Variants in SLC36A3 observed in about 807,000 individuals in gnomAD.
The protein encoded by SLC36A3 is solute carrier family 36 member 3.
In SLC36A3, 35 loss-of-function variants were observed where a neutral mutation model predicts 44.3. That is an observed-to-expected ratio of 0.79 (90% CI 0.60 to 1.05). SLC36A3 has a LOEUF of 1.05. SLC36A3 is among the 50% of genes least tolerant of loss of function. The probability of loss-of-function intolerance (pLI) is 0.00; values close to 1 mark genes in which losing one functional copy is unlikely to be tolerated. For synonymous variants in SLC36A3, 211 were observed against 227.6 expected, an observed-to-expected ratio of 0.93 and a Z score of 0.66; for missense variants, 540 against 578.7, an observed-to-expected ratio of 0.93 and a Z score of 0.69.
chr5:151,284,144 A>T lies in SLC36A3; in HGVS notation c.874T>A (p.Ser292Thr). The change falls in exon 8 of 10, where the codon TCC (serine) becomes ACC (threonine). Residue 292 changes from serine to threonine, a missense_variant. By Grantham distance (58) the Ser-to-Thr change is moderately conservative (BLOSUM62 1). Coordinates refer to ENST00000335230, the MANE Select transcript of SLC36A3 (RefSeq NM_181774.4). ...AAGATATAGAGGATGATGACAATGG[A>T]CATCCCCAAGTACAGAACAAAAGAA... ...QFSFVLYLGM[S>T]IVIILYILLG... The T allele has an allele frequency of 6.2e-7, 1 of 1,614,164 alleles. No homozygotes were observed. The highest frequency in any genetic ancestry group is 8.5e-7 in the Non-Finnish European group (1 of 1,180,014).
Position 151,277,484 on chromosome 5 carries a change from A to C in SLC36A3, c.1322T>G (p.Leu441Ter). 6.2e-7 allele frequency: 1 copy of C among 1,614,166 alleles called. No individual in the cohort carries two copies. The highest frequency in any genetic ancestry group is 1.1e-5 in the South Asian group (1 of 91,080). The change falls in exon 10 of 10, where the codon TTA becomes TGA. Residue 441 changes from leucine to a stop codon, truncating the protein, a stop_gained. Transcript: ENST00000335230. LOFTEE classifies it low-confidence loss of function (END_TRUNC). ...KDIMISIVGL[L>*]GCIFGTYQAL... ...TTGGTATGTCCCAAATATACACCCTAAAAGGCCCACGATGCTAATCATGAT... is the reference window on the plus strand; with the variant it reads ...TTGGTATGTCCCAAATATACACCCTCAAAGGCCCACGATGCTAATCATGAT...
At chr5:151,296,410 T>A in intron 2 of SLC36A3, 142 bp from the exon 3 acceptor site, 1 of 679,956 alleles carries the variant, frequency 1.5e-6, no homozygotes. Context: ...GTCCTCATGC[T>A]CCCAGATGCT....
At chr5:151,288,534 T>A (rs966224001) in intron 4 of SLC36A3, 64 bp from the exon 5 acceptor site, 56 of 1,171,090 alleles carry the variant, frequency 4.8e-5, no homozygotes, top group Non-Finnish European at 6.5e-5. Context: ...TTCTTAAGAA[T>A]GTTTACTATT....
At chr5:151,286,287 C>T (rs9885374) in intron 6 of SLC36A3, among the ~76,000 whole-genome samples, 24,653 of 152,106 alleles carry the variant, frequency 0.16, 2,600 homozygotes, top group East Asian at 0.3. Context: ...ATAGTATTTG[C>T]ATATAACCCA....
chr5:151,287,492 G>T, intron 5 of SLC36A3, 28 bp from the exon 6 acceptor site: 1 of 1,606,476 alleles, frequency 6.2e-7, no homozygotes, highest in Non-Finnish European at 8.5e-7. Flanking sequence ...GACAGGCAGT[G>T]TGGTTGCTAC....
At position 151,281,038 on chromosome 5, in the gene SLC36A3, G is replaced by T; in HGVS notation, c.1120C>A (p.Arg374Ser). 2 of 1,614,122 alleles carry T rather than the reference G, an allele frequency of 1.2e-6. No homozygotes were observed. Among genetic ancestry groups the T allele is most frequent in the Non-Finnish European group, 1.7e-6 (2 of 1,180,006 alleles). ...SWALFVDLSV[R>S]SALVCLTCVS... ...CAGGTTAGACAGACCAAGGCTGAGC[G>T]GACAGACAGGTCTACAAACAGTGCC... Residue 374 changes from arginine to serine, a missense_variant, in exon 9 of 10, where the codon CGC (arginine) becomes AGC (serine). By Grantham distance (110) the Arg-to-Ser change is moderately radical (BLOSUM62 -1). Coordinates refer to ENST00000335230, the MANE Select transcript of SLC36A3 (RefSeq NM_181774.4).
At chr5:151,303,104 A>G in intron 1 of SLC36A3, 123 bp downstream of exon 1, 8 of 1,205,096 alleles carry the variant, frequency 6.6e-6, no homozygotes, top group Non-Finnish European at 8.9e-6. Context: ...TTCATCTTTT[A>G]TCCACGCATA....
chr5:151,280,952 T>G (rs1029102258), intron 9 of SLC36A3, 62 bp downstream of exon 9: 19 of 1,592,720 alleles, frequency 1.2e-5, no homozygotes, highest in African/African-American at 4.0e-5. Context: ...GATGGTGGGG[T>G]GGGCGCCAGC....
chr5:151,283,905 A>G, intron 8 of SLC36A3, 139 bp downstream of exon 8: 1 of 1,061,578 alleles, frequency 9.4e-7, no homozygotes, highest in Non-Finnish European at 1.3e-6. Context: ...TGACTGATGC[A>G]GTGTGAGCAG....
chr5:151,303,477 G>A lies in SLC36A3; in HGVS notation c.-123C>T. 2 of 1,091,478 alleles carry A rather than the reference G, an allele frequency of 1.8e-6. No individual in the cohort carries two copies. The highest frequency in any genetic ancestry group is 1.7e-5 in the South Asian group (1 of 57,256). The allele number at this position is 1,091,478 out of a possible 1,614,324, so 67.6% of individuals were successfully genotyped here. A position where few individuals can be genotyped will look rare whatever the true frequency, so the allele number is the denominator to read the frequency against. On this transcript the variant is annotated 5_prime_UTR_variant, in exon 1 of 10. Coordinates refer to ENST00000335230, the MANE Select transcript of SLC36A3 (RefSeq NM_181774.4). Reference sequence around the variant, plus strand: ...GATGCTGGCTCCTAACCCCAAGGATGCGTGCTGCTGGCTGAAGCCTGAAGT... The same window carrying A: ...GATGCTGGCTCCTAACCCCAAGGATACGTGCTGCTGGCTGAAGCCTGAAGT...
intron 3 of SLC36A3, among the ~76,000 whole-genome samples, chr5:151,295,704 C>T (rs1754933971): frequency 6.6e-6 from 1 of 152,130 alleles, no homozygotes; most frequent in Non-Finnish European, 1.5e-5. Flanking sequence ...TATAAGTATG[C>T]TTTGATAATG....
chr5:151,281,519 A>AT (rs1754313549), intron 8 of SLC36A3, among the ~76,000 whole-genome samples: 1 of 152,022 alleles, frequency 6.6e-6, no homozygotes, highest in Non-Finnish European at 1.5e-5. Flanking sequence ...TTCTTTTTTA[A>AT]TTTTTTAAAA....
At position 151,296,223 on chromosome 5, in the gene SLC36A3, A is replaced by G; in HGVS notation, c.265T>C (p.Cys89Arg). Residue 89 changes from cysteine to arginine, a missense_variant, in exon 3 of 10, where the codon TGC becomes CGC. Coordinates refer to ENST00000335230, the MANE Select transcript of SLC36A3 (RefSeq NM_181774.4). ...LLAIGVLTVH[C>R]MVILLNCAQH... ...GCACAGTTCAACAGGATGACCATGC[A>G]GTGCACGGTGAGGACCCCGATGGCC... 6.2e-7 allele frequency: 1 copy of G among 1,614,202 alleles called. No individual in the cohort carries two copies. The highest frequency in any genetic ancestry group is 2.2e-5 in the East Asian group (1 of 44,890).
chr5:151,290,502 T>C (rs76151853), intron 4 of SLC36A3, among the ~76,000 whole-genome samples: 4,235 of 152,334 alleles, frequency 0.028, 188 homozygotes, highest in African/African-American at 0.097. Flanking sequence ...AATGAACTTT[T>C]TGCCACTTGT....
rs553102797 is a variant in SLC36A3, at chr5:151,292,940, C to T, written c.404+424G>A. ...CGGAGGTTGCAGTGAGCTGAGGTCA[C>T]GCCATTGCACTCCAGCCTGAGCAAC... is the stretch of plus-strand genomic sequence containing the variant. On this transcript the variant is annotated intron_variant, in intron 4 of 9. Transcript: ENST00000335230. 1.8e-4 allele frequency among the ~76,000 whole-genome samples: 28 copies of T among 152,244 alleles called. No homozygotes were observed. In the South Asian group the frequency reaches 5.6e-3, roughly 30 times the overall value.
intron 1 of SLC36A3, among the ~76,000 whole-genome samples, chr5:151,299,910 C>T (rs936020208): frequency 1.6e-4 from 24 of 152,206 alleles, no homozygotes; most frequent in Non-Finnish European, 3.2e-4. Flanking sequence ...ATTGTCTCAT[C>T]ATCATCATCA....
intron 2 of SLC36A3, 102 bp from the exon 3 acceptor site, chr5:151,296,370 T>C (rs905092429): frequency 2.7e-5 from 27 of 983,380 alleles, no homozygotes; most frequent in Non-Finnish European, 3.8e-5. Flanking sequence ...ATAATAAAAC[T>C]GTCTTTGGGG....
chr5:151,285,827 G>A (rs1001693907), intron 6 of SLC36A3, among the ~76,000 whole-genome samples: 2 of 152,150 alleles, frequency 1.3e-5, no homozygotes, highest in Non-Finnish European at 2.9e-5. Context: ...GATGGAAGGC[G>A]GCCTGAGCCA....
chr5:151,293,242 TTCTC>T lies in SLC36A3; in HGVS notation c.404+118_404+121del, dbSNP rs1326709598. On this transcript the variant is annotated intron_variant, in intron 4 of 9. Coordinates refer to ENST00000335230, the MANE Select transcript of SLC36A3 (RefSeq NM_181774.4). ...ATGGGGGATGGGGTTATCGAGGTGA[TTCTC>T]TCTATTGTTTGATAGTTTACAATAA... 11 of 815,086 alleles carry T rather than the reference TTCTC, an allele frequency of 1.3e-5. No individual in the cohort carries two copies. In the South Asian group the frequency reaches 1.4e-4, roughly 10 times the overall value. 50.5% of individuals were successfully genotyped at this position (815,086 alleles called of 1,614,324 possible). A position where few individuals can be genotyped will look rare whatever the true frequency, so the allele number is the denominator to read the frequency against.
Sources: allele counts gnomAD v4.1 joint callset (sites outside exome capture counted in the v4.1 genomes callset), GRCh38; gene constraint gnomAD v4.1.1; transcripts MANE v1.5; gene names NCBI Gene and HGNC (gene_info 2026-07-23, HGNC 2026-07-21).